PTPRG: variants seen among roughly 807,000 people sequenced by gnomAD.
PTPRG encodes the protein protein tyrosine phosphatase receptor type G.
Under a neutral mutation model 165.3 loss-of-function variants are expected in PTPRG, and 102 were observed. The observed-to-expected ratio is 0.62, with a 90% CI of 0.53 to 0.73. The LOEUF (loss-of-function observed/expected upper bound fraction) is 0.73, where lower values mean the gene tolerates loss of function less well. PTPRG is among the 30% of genes least tolerant of loss of function. The pLI is 0.00. For missense variants in PTPRG, 1,866 were observed against 1,861.4 expected (o/e 1.00, Z -0.05); for synonymous variants, 675 against 669.5 (o/e 1.01, Z -0.13).
chr3:62,272,433 A>G (rs1702096007), intron 21 of PTPRG, among the ~76,000 whole-genome samples: 1 of 152,184 alleles, frequency 6.6e-6, no homozygotes, highest in Non-Finnish European at 1.5e-5. Flanking sequence ...TTCATTTGAA[A>G]ATGCATTCTT....
rs1559518863 is a variant in PTPRG, at chr3:61,600,176, ATAT to A, written c.85+37805_85+37807del. 4.1e-3 allele frequency among the ~76,000 whole-genome samples: 351 copies of A among 85,694 alleles called. 1 individual carries two copies. Among genetic ancestry groups the A allele is most frequent in the Middle Eastern group, 0.035 (6 of 172 alleles). The allele number at this position is 85,694 out of a possible 152,430, so 56.2% of individuals were successfully genotyped here. ...CATTGTCTCAAAAAAAAAAAAAAAT[ATAT>A]ATATATATATATATGTGTGTGTGTG... On this transcript the variant is annotated intron_variant, in intron 1 of 29. Transcript: ENST00000474889.
intron 3 of PTPRG, among the ~76,000 whole-genome samples, chr3:62,000,567 A>C (rs1277811274): frequency 6.6e-6 from 1 of 152,188 alleles, no homozygotes; most frequent in East Asian, 1.9e-4. Flanking sequence ...TTTCTTGAGA[A>C]GCCTTCTCAC....
chr3:62,144,277 T>C (rs1008224256), intron 6 of PTPRG, among the ~76,000 whole-genome samples: 2 of 152,218 alleles, frequency 1.3e-5, no homozygotes, highest in Non-Finnish European at 2.9e-5. Flanking sequence ...AATTTGTTTA[T>C]GTTGGGGCAA....
intron 1 of PTPRG, among the ~76,000 whole-genome samples, chr3:61,573,134 T>A (rs779427077): frequency 6.6e-6 from 1 of 152,222 alleles, no homozygotes; most frequent in Non-Finnish European, 1.5e-5. Context: ...CCTGGTTGAT[T>A]TGAATTTCTG....
At chr3:62,108,278 A>G (rs1156714535) in intron 5 of PTPRG, among the ~76,000 whole-genome samples, 1 of 150,930 alleles carries the variant, frequency 6.6e-6, no homozygotes, top group Non-Finnish European at 1.5e-5. Flanking sequence ...CCCACTTATG[A>G]GTGAGAACAT....
At chr3:61,891,860 A>G (rs988652508) in intron 2 of PTPRG, among the ~76,000 whole-genome samples, 2 of 151,964 alleles carry the variant, frequency 1.3e-5, no homozygotes, top group Non-Finnish European at 2.9e-5. Flanking sequence ...TGTGGAAATT[A>G]GCATTATGAG....
In PTPRG at chr3:61,583,347, T is replaced by C. The variant is rs527973693; in HGVS notation, c.85+20975T>C. 5.9e-5 allele frequency among the ~76,000 whole-genome samples: 9 copies of C among 152,288 alleles called. No homozygotes were observed. In the South Asian group the frequency reaches 1.0e-3, roughly 18 times the overall value. On this transcript the variant is annotated intron_variant, in intron 1 of 29. Transcript: ENST00000474889. Reference sequence around the variant, plus strand: ...TTCCTTACAGTGGTCTTGTAAACTATAGTGTCTCTGTGCTTGCTGGTCATG... The same window carrying C: ...TTCCTTACAGTGGTCTTGTAAACTACAGTGTCTCTGTGCTTGCTGGTCATG...
At chr3:62,220,524 T>C (rs1026386939) in intron 13 of PTPRG, among the ~76,000 whole-genome samples, 3 of 152,140 alleles carry the variant, frequency 2.0e-5, no homozygotes, top group African/African-American at 7.2e-5. Context: ...CTGTTCCTAA[T>C]TGGCTGGAAC....
chr3:62,105,977 T>G (rs1191884435), intron 5 of PTPRG, among the ~76,000 whole-genome samples: 2 of 152,232 alleles, frequency 1.3e-5, no homozygotes, highest in African/African-American at 4.8e-5. Flanking sequence ...GTAGAAACAT[T>G]AACACATTTA....
At chr3:61,777,727 G>A (rs1028583200) in intron 2 of PTPRG, among the ~76,000 whole-genome samples, 2 of 152,168 alleles carry the variant, frequency 1.3e-5, no homozygotes, top group Admixed American at 1.3e-4. Context: ...TACGTGACAA[G>A]AACATATTTT....
Position 62,069,722 on chromosome 3 carries a change from G to A in PTPRG, c.520-8441G>A, listed in dbSNP as rs185490595. ...CACGCACACACACACACACATGCAC[G>A]CACAGAGTAACTCCGGCCTATAATT... On this transcript the variant is annotated intron_variant, in intron 4 of 29. Coordinates refer to ENST00000474889, the MANE Select transcript of PTPRG (RefSeq NM_002841.4). Among the ~76,000 whole-genome samples, 7 of 144,606 alleles carry A rather than the reference G, an allele frequency of 4.8e-5. No homozygotes were observed. The East Asian group carries it at 8.6e-4, about 18-fold the overall frequency. The allele number at this position is 144,606 out of a possible 152,430, so 94.9% of individuals were successfully genotyped here.
intron 1 of PTPRG, among the ~76,000 whole-genome samples, chr3:61,568,415 T>C (rs1374953818): frequency 6.8e-6 from 1 of 146,374 alleles, no homozygotes; most frequent in Non-Finnish European, 1.5e-5. Context: ...GCAAGATTGC[T>C]TTAAGTAGCT....
intron 10 of PTPRG, among the ~76,000 whole-genome samples, chr3:62,198,304 G>T (rs1700018333): frequency 6.6e-6 from 1 of 152,126 alleles, no homozygotes; most frequent in Non-Finnish European, 1.5e-5. Flanking sequence ...TGATGGCTTG[G>T]GTGCAGGTGA....
intron 2 of PTPRG, among the ~76,000 whole-genome samples, chr3:61,859,161 TTAAC>T (rs546592394): frequency 2.5e-3 from 387 of 152,332 alleles, no homozygotes; most frequent in Non-Finnish European, 4.5e-3. Context: ...TATATGTGCT[TTAAC>T]TATATAGTAA....
At chr3:62,022,693 A>G (rs982037401) in intron 4 of PTPRG, among the ~76,000 whole-genome samples, 5 of 152,156 alleles carry the variant, frequency 3.3e-5, no homozygotes, top group African/African-American at 4.8e-5. Context: ...TGGATTAGTA[A>G]ATCGATTTGT....
At chr3:62,132,735 C>A in intron 6 of PTPRG, 67 bp downstream of exon 6, 1 of 1,391,988 alleles carries the variant, frequency 7.2e-7, no homozygotes, top group Non-Finnish European at 1.0e-6. Flanking sequence ...CTAAAAGAAT[C>A]AGGTTATCTT....
chr3:61,981,114 A>C (rs886303919), intron 2 of PTPRG, among the ~76,000 whole-genome samples: 5 of 152,212 alleles, frequency 3.3e-5, no homozygotes, highest in Admixed American at 1.3e-4. Flanking sequence ...GCACCTCTTC[A>C]CTGGGTGGCA....
chr3:62,172,054 T>C (rs898341500), intron 8 of PTPRG, among the ~76,000 whole-genome samples: 12 of 152,226 alleles, frequency 7.9e-5, no homozygotes, highest in African/African-American at 2.9e-4. Context: ...TTCATCTGTA[T>C]TGGGGGCTGT....
chr3:62,172,400 C>T (rs768198548), intron 8 of PTPRG, among the ~76,000 whole-genome samples: 5 of 152,202 alleles, frequency 3.3e-5, no homozygotes, highest in African/African-American at 1.2e-4. Context: ...TCCATATCCT[C>T]ACCAACACTT....
Sources: allele counts gnomAD v4.1 joint callset (sites outside exome capture counted in the v4.1 genomes callset), GRCh38; gene constraint gnomAD v4.1.1; transcripts MANE v1.5; gene names NCBI Gene and HGNC (gene_info 2026-07-23, HGNC 2026-07-21).